Variants in NAV2 observed in about 807,000 individuals in gnomAD.
NAV2 encodes neuron navigator 2, also known as helicase, APC down-regulated 1.
NAV2 carries 54 observed loss-of-function variants against 223.2 expected under a neutral mutation model. The observed-to-expected ratio is 0.24, with a 90% CI of 0.19 to 0.30. The LOEUF is 0.30. NAV2 is among the 10% of genes least tolerant of loss of function. NAV2 has a pLI of 1.00. For synonymous variants in NAV2, 1,279 were observed against 1,239.3 expected, an observed-to-expected ratio of 1.03 and a Z score of -0.67; for missense variants, 2,806 against 3,147.5, an observed-to-expected ratio of 0.89 and a Z score of 2.60.
chr11:20,107,815 C>T (rs1449413541), intron 36 of NAV2, 33 bp downstream of exon 36: 2 of 1,404,954 alleles, frequency 1.4e-6, no homozygotes, highest in South Asian at 2.3e-5. Flanking sequence ...TTCCTTGAAG[C>T]TGAGGGGGAC....
chr11:20,093,028 C>A, intron 28 of NAV2, 71 bp from the exon 29 acceptor site: 2 of 929,102 alleles, frequency 2.2e-6, no homozygotes, highest in Non-Finnish European at 3.3e-6. Flanking sequence ...TGCCAACCTG[C>A]AGCGGGGGTG....
chr11:19,865,945 G>T (rs2062063621), intron 3 of NAV2, among the ~76,000 whole-genome samples: 1 of 152,196 alleles, frequency 6.6e-6, no homozygotes, highest in Non-Finnish European at 1.5e-5. Flanking sequence ...TCTAAATTCA[G>T]GCTCCTATGT....
intron 1 of NAV2, among the ~76,000 whole-genome samples, chr11:19,572,447 C>T (rs536543663): frequency 3.3e-5 from 5 of 152,288 alleles, no homozygotes; most frequent in Admixed American, 6.5e-5. Context: ...TGCAACCTTT[C>T]GGCTTCAATA....
chr11:20,089,693 G>C lies in NAV2; in HGVS notation c.5499-1172G>C, dbSNP rs72925455. ...CTATTCTGGATCACCCAGTAACCCA[G>C]ATGCTAAGATCGTCGAAACTCACAG... is the stretch of plus-strand genomic sequence containing the variant. On this transcript the variant is annotated intron_variant, in intron 26 of 37. Transcript: ENST00000349880. 1.6e-3 allele frequency among the ~76,000 whole-genome samples: 248 copies of C among 152,312 alleles called. 1 individual carries two copies. The highest frequency in any genetic ancestry group is 0.01 in the Middle Eastern group (3 of 294).
rs1197417976 is a variant in NAV2 at position 20,120,971 on chromosome 11, C to T, written c.*2713C>T. ...TTTATGTTGAGTTACCAATGGAAGC[C>T]AAAAGTTCTCTTCCCAAACTGCCAA... On this transcript the variant is annotated 3_prime_UTR_variant, in exon 38 of 38. Transcript: ENST00000349880. 6.6e-6 allele frequency: 1 copy of T among 152,002 alleles called. No individual in the cohort carries two copies. Among genetic ancestry groups the T allele is most frequent in the East Asian group, 1.9e-4 (1 of 5,172 alleles). The allele number at this position is 152,002 out of a possible 1,614,324, so 9.4% of individuals were successfully genotyped here. A position where few individuals can be genotyped will look rare whatever the true frequency, so the allele number is the denominator to read the frequency against.
At chr11:19,968,878 C>A (rs186315442) in intron 10 of NAV2, among the ~76,000 whole-genome samples, 1 of 152,286 alleles carries the variant, frequency 6.6e-6, no homozygotes, top group Non-Finnish European at 1.5e-5. Context: ...AGTGCTCCGA[C>A]TGCTGCTAGG....
intron 1 of NAV2, chr11:19,505,230 G>GC (rs2043087471): frequency 6.6e-6 from 1 of 152,238 alleles, no homozygotes; most frequent in African/African-American, 2.4e-5. Context: ...AATGCAGAAA[G>GC]CCACATACCT....
chr11:19,953,048 C>A (rs1235272587), intron 10 of NAV2, among the ~76,000 whole-genome samples: 1 of 152,080 alleles, frequency 6.6e-6, no homozygotes, highest in Non-Finnish European at 1.5e-5. Flanking sequence ...TGAAGTCAAT[C>A]TTCTACTCAT....
intron 1 of NAV2, among the ~76,000 whole-genome samples, chr11:19,374,119 C>T (rs140214297): frequency 1.3e-5 from 2 of 152,146 alleles, no homozygotes; most frequent in South Asian, 2.1e-4. Context: ...ATTTACCACA[C>T]GTATCACCAG....
intron 1 of NAV2, among the ~76,000 whole-genome samples, chr11:19,691,449 C>T (rs12361152): frequency 0.1 from 15,233 of 152,170 alleles, 885 homozygotes; most frequent in South Asian, 0.15. Context: ...TCAGACTTGC[C>T]ACGTTTCAAG....
intron 1 of NAV2, among the ~76,000 whole-genome samples, chr11:19,637,577 G>A (rs910387580): frequency 1.3e-5 from 2 of 152,264 alleles, no homozygotes; most frequent in African/African-American, 4.8e-5. Context: ...TACAGGAAGT[G>A]TAGCCCCGGC....
chr11:19,576,318 G>T (rs957896734), intron 1 of NAV2, among the ~76,000 whole-genome samples: 2 of 152,188 alleles, frequency 1.3e-5, no homozygotes, highest in African/African-American at 2.4e-5. Context: ...TCATAGAGAG[G>T]CTTTCAGCTG....
chr11:19,657,417 G>T (rs1799077826), intron 1 of NAV2, among the ~76,000 whole-genome samples: 1 of 152,132 alleles, frequency 6.6e-6, no homozygotes, highest in Non-Finnish European at 1.5e-5. Context: ...ATTATTTGAG[G>T]ATTTGAACTC....
At chr11:19,353,940 G>A (rs764676911) in intron 1 of NAV2, among the ~76,000 whole-genome samples, 1 of 152,046 alleles carries the variant, frequency 6.6e-6, no homozygotes, top group African/African-American at 2.4e-5. Context: ...AGCTTGCTTT[G>A]TCATTTAAAA....
At chr11:19,665,397 G>A (rs931226887) in intron 1 of NAV2, among the ~76,000 whole-genome samples, 4 of 152,130 alleles carry the variant, frequency 2.6e-5, no homozygotes, top group Non-Finnish European at 4.4e-5. Context: ...ATGAGGGGGC[G>A]GTTGCCTGAC....
In NAV2 at chr11:19,921,840, T is replaced by C. The variant is rs577429948; in HGVS notation, c.932-11336T>C. 2.6e-5 allele frequency among the ~76,000 whole-genome samples: 4 copies of C among 152,360 alleles called. No individual in the cohort carries two copies. In the South Asian group the frequency reaches 8.3e-4, roughly 32 times the overall value. On this transcript the variant is annotated intron_variant, in intron 6 of 37. Coordinates refer to ENST00000349880, the MANE Select transcript of NAV2 (RefSeq NM_145117.5). ...ATAAAAGAAGTTAAAACAATAAAAA[T>C]GCTTAGCACTGTGCCTGGCACAAAG...
chr11:19,431,548 T>C (rs1851036535), intron 1 of NAV2, among the ~76,000 whole-genome samples: 1 of 152,140 alleles, frequency 6.6e-6, no homozygotes, highest in African/African-American at 2.4e-5. Flanking sequence ...GAACAGTTTT[T>C]CTGGCCAAAG....
intron 1 of NAV2, among the ~76,000 whole-genome samples, chr11:19,826,945 G>C (rs575750155): frequency 6.6e-6 from 1 of 152,340 alleles, no homozygotes; most frequent in East Asian, 1.9e-4. Context: ...CAGGAGTGCA[G>C]AGATGGGTGA....
intron 1 of NAV2, among the ~76,000 whole-genome samples, chr11:19,742,994 T>C (rs1307972986): frequency 6.6e-6 from 1 of 152,218 alleles, no homozygotes; most frequent in Non-Finnish European, 1.5e-5. Flanking sequence ...CACTTCTACC[T>C]GCTCACAGTG....
Sources: allele counts gnomAD v4.1 joint callset (sites outside exome capture counted in the v4.1 genomes callset), GRCh38; gene constraint gnomAD v4.1.1; transcripts MANE v1.5; gene names NCBI Gene and HGNC (gene_info 2026-07-23, HGNC 2026-07-21).